TARS3: variants seen among roughly 807,000 people sequenced by gnomAD.
The protein encoded by TARS3 is threonine--tRNA ligase 2, cytoplasmic.
TARS3 carries 94 observed loss-of-function variants against 103.5 expected under a neutral mutation model. The ratio of observed to expected loss-of-function variants is 0.91; its 90% CI spans 0.77 to 1.08. The LOEUF (loss-of-function observed/expected upper bound fraction) is 1.08, where lower values mean the gene tolerates loss of function less well. Among genes scored for constraint, TARS3 ranks in the 50% least tolerant of loss-of-function variants. The pLI is 0.00. For missense variants in TARS3, 952 were observed against 995.2 expected (o/e 0.96, Z 0.58); for synonymous variants, 416 against 355.4 (o/e 1.17, Z -1.92).
intron 18 of TARS3, chr15:101,655,831 G>A: frequency 8.0e-7 from 1 of 1,248,636 alleles, no homozygotes; most frequent in Non-Finnish European, 1.0e-6. Flanking sequence ...AGAGCGGGGA[G>A]CTCTTACAGG....
intron 17 of TARS3, 126 bp downstream of exon 17, chr15:101,657,659 T>A: frequency 1.8e-6 from 1 of 563,356 alleles, no homozygotes; most frequent in Non-Finnish European, 3.0e-6. Flanking sequence ...TCCCACCTGC[T>A]GAAAACACGG....
chr15:101,712,040 G>A (rs764050641), intron 4 of TARS3, 39 bp from the exon 5 acceptor site: 3 of 1,576,008 alleles, frequency 1.9e-6, no homozygotes, highest in South Asian at 1.2e-5. Flanking sequence ...GCTACCAAAA[G>A]TATGTCATGG....
At chr15:101,681,277 T>C (rs188032384) in intron 12 of TARS3, among the ~76,000 whole-genome samples, 1 of 152,312 alleles carries the variant, frequency 6.6e-6, no homozygotes, top group Non-Finnish European at 1.5e-5. Flanking sequence ...TCTATACGAA[T>C]TTTAGAATCA....
Position 101,724,425 on chromosome 15 carries a change from C to G in TARS3, c.-38G>C. Reference sequence around the variant, plus strand: ...CAGGCACCGACGCCGAGCGGGGTGCCCGCGACTGCGGCGAGGGCGACGCGG... The same window carrying G: ...CAGGCACCGACGCCGAGCGGGGTGCGCGCGACTGCGGCGAGGGCGACGCGG... On this transcript the variant is annotated 5_prime_UTR_variant, in exon 1 of 19. Coordinates refer to ENST00000335968, the MANE Select transcript of TARS3 (RefSeq NM_152334.3). The G allele has an allele frequency of 7.3e-7, 1 of 1,365,672 alleles. No homozygotes were observed. The allele number at this position is 1,365,672 out of a possible 1,614,324, so 84.6% of individuals were successfully genotyped here.
intron 15 of TARS3, 85 bp from the exon 16 acceptor site, chr15:101,661,901 T>G (rs1409959418): frequency 5.1e-6 from 4 of 791,578 alleles, no homozygotes; most frequent in Non-Finnish European, 7.6e-6. Flanking sequence ...TGAGAATAGA[T>G]TTAGATTAGT....
At chr15:101,676,673 AT>A (rs35108247) in intron 12 of TARS3, among the ~76,000 whole-genome samples, 21,147 of 137,230 alleles carry the variant, frequency 0.15, 1,928 homozygotes, top group African/African-American at 0.28. Context: ...TAATTTTTGT[AT>A]TTTTTTTTTT....
At chr15:101,676,379 G>A (rs1265296098) in intron 12 of TARS3, among the ~76,000 whole-genome samples, 1 of 152,200 alleles carries the variant, frequency 6.6e-6, no homozygotes, top group Non-Finnish European at 1.5e-5. Context: ...CAGGAAGCTG[G>A]CTGAGTCAAT....
At chr15:101,701,597 A>G (rs1005496584) in intron 9 of TARS3, among the ~76,000 whole-genome samples, 22 of 152,158 alleles carry the variant, frequency 1.4e-4, no homozygotes, top group African/African-American at 4.3e-4. Context: ...CCACCCTGCA[A>G]GGCTACCCAG....
intron 17 of TARS3, among the ~76,000 whole-genome samples, 153 bp from the exon 18 acceptor site, chr15:101,657,189 T>C (rs910369262): frequency 1.3e-5 from 2 of 152,224 alleles, no homozygotes; most frequent in African/African-American, 4.8e-5. Flanking sequence ...AGTGCGGAAG[T>C]GTCGGCGCAT....
At chr15:101,698,886 T>C (rs760360549) in intron 10 of TARS3, among the ~76,000 whole-genome samples, 18 of 152,318 alleles carry the variant, frequency 1.2e-4, no homozygotes, top group African/African-American at 1.9e-4. Flanking sequence ...CTACAGTCCT[T>C]TGGGGCTGAA....
chr15:101,703,373 T>A (rs1252611230), intron 8 of TARS3, among the ~76,000 whole-genome samples: 3 of 152,124 alleles, frequency 2.0e-5, no homozygotes, highest in Non-Finnish European at 4.4e-5. Flanking sequence ...GCGGATCACC[T>A]GAGGTTAGGA....
rs1187906712 is a variant in TARS3, at chr15:101,700,739, G to A, written c.1320+347C>T. 2.0e-5 allele frequency among the ~76,000 whole-genome samples: 3 copies of A among 151,926 alleles called. No individual in the cohort carries two copies. The East Asian group carries it at 5.8e-4, about 29-fold the overall frequency. ...GCTCACTGCAAACTCTGCCTCCCGG[G>A]TTCAAGCAATTCTCCTGCCAGCCTC... On this transcript the variant is annotated intron_variant, in intron 10 of 18. Coordinates refer to ENST00000335968, the MANE Select transcript of TARS3 (RefSeq NM_152334.3).
At chr15:101,714,651 A>G in intron 4 of TARS3, 189 bp downstream of exon 4, 1 of 312,646 alleles carries the variant, frequency 3.2e-6, no homozygotes, top group Non-Finnish European at 5.6e-6. Context: ...AATATGGGCT[A>G]CTTTAAAAAC....
At chr15:101,718,942 C>T (rs1900307350) in intron 3 of TARS3, among the ~76,000 whole-genome samples, 1 of 152,172 alleles carries the variant, frequency 6.6e-6, no homozygotes, top group Non-Finnish European at 1.5e-5. Context: ...ATGTGCACCA[C>T]AGAACTGAGC....
chr15:101,703,827 G>A (rs753757343), intron 8 of TARS3, 32 bp downstream of exon 8: 1 of 1,439,346 alleles, frequency 6.9e-7, no homozygotes, highest in Non-Finnish European at 9.8e-7. Context: ...TGCACCTTAA[G>A]TTTACTGTAT....
chr15:101,665,386 G>T (rs886225095), intron 15 of TARS3, among the ~76,000 whole-genome samples: 1 of 152,134 alleles, frequency 6.6e-6, no homozygotes, highest in Non-Finnish European at 1.5e-5. Context: ...TTTTTACTTT[G>T]CAAGAAAATA....
intron 16 of TARS3, among the ~76,000 whole-genome samples, chr15:101,661,022 C>T (rs1385356942): frequency 6.6e-6 from 1 of 151,944 alleles, no homozygotes; most frequent in African/African-American, 2.4e-5. Flanking sequence ...ACTCTGTGGC[C>T]AAAGCAGTAA....
At chr15:101,722,733 C>T (rs1449792198) in intron 2 of TARS3, among the ~76,000 whole-genome samples, 1 of 149,588 alleles carries the variant, frequency 6.7e-6, no homozygotes. Context: ...GCAGGAGAAT[C>T]GCTTGAACCT....
Position 101,701,111 on chromosome 15 carries a change from T to A in TARS3, c.1295A>T (p.Tyr432Phe). Residue 432 changes from tyrosine (Y) to phenylalanine (F), a missense_variant, in exon 10 of 19, where the codon TAT (tyrosine) becomes TTT (phenylalanine). Physicochemically the swap from Tyr to Phe is conservative, Grantham distance 22 (BLOSUM62 3). Coordinates refer to ENST00000335968, the MANE Select transcript of TARS3 (RefSeq NM_152334.3). The part of the protein sequence containing the change: ...CFFLPRGAFI[Y>F]NTLTDFIREE... ...TCGTATGAAATCTGTAAGCGTATTA[T>A]AAATGAAGGCTCCTCTGGGAAGGAA... is the stretch of plus-strand genomic sequence containing the variant. 2 of 1,590,386 alleles carry A rather than the reference T, an allele frequency of 1.3e-6. No homozygotes were observed. Among genetic ancestry groups the A allele is most frequent in the Non-Finnish European group, 1.7e-6 (2 of 1,172,770 alleles).
Sources: gnomAD v4.1 joint callset for allele counts (sites outside exome capture counted in the v4.1 genomes callset) on GRCh38, gnomAD v4.1.1 for gene constraint, MANE v1.5 for transcripts, NCBI Gene and HGNC (gene_info 2026-07-23, HGNC 2026-07-21) for gene names.